The following RPTOR variants were observed in gnomAD, a reference collection of about 807,000 sequenced individuals.
The protein encoded by RPTOR is regulatory-associated protein of mTOR.
Under a neutral mutation model 169.9 loss-of-function variants are expected in RPTOR, and 21 were observed. That is an observed-to-expected ratio of 0.12 (90% CI 0.09 to 0.18). The LOEUF is 0.18. RPTOR is among the 10% of genes least tolerant of loss of function. The probability of loss-of-function intolerance (pLI) is 1.00; values close to 1 mark genes in which losing one functional copy is unlikely to be tolerated. For missense variants in RPTOR, 1,133 were observed against 1,855.9 expected (o/e 0.61, Z 7.16); for synonymous variants, 732 against 753.2 (o/e 0.97, Z 0.46).
chr17:80,599,405 T>G (rs1407097813), intron 1 of RPTOR, among the ~76,000 whole-genome samples: 3 of 152,196 alleles, frequency 2.0e-5, no homozygotes, highest in Admixed American at 6.5e-5. Context: ...TTTGTGCTGC[T>G]AAGTAAAGGG....
At chr17:80,781,087 C>T (rs1388944900) in intron 6 of RPTOR, among the ~76,000 whole-genome samples, 2 of 152,122 alleles carry the variant, frequency 1.3e-5, no homozygotes, top group African/African-American at 4.8e-5. Flanking sequence ...GTCTCCCCTC[C>T]AGGGCAGGAA....
intron 13 of RPTOR, among the ~76,000 whole-genome samples, chr17:80,871,330 C>T (rs1397011248): frequency 1.3e-5 from 2 of 152,156 alleles, no homozygotes; most frequent in African/African-American, 2.4e-5. Context: ...AGGATGGTCT[C>T]GATCTCCTGA....
chr17:80,716,186 G>A (rs1028285337), intron 4 of RPTOR, among the ~76,000 whole-genome samples: 8 of 152,054 alleles, frequency 5.3e-5, no homozygotes, highest in African/African-American at 1.4e-4. Context: ...TCCCACCAGC[G>A]GTGTAGAAGT....
intron 10 of RPTOR, among the ~76,000 whole-genome samples, chr17:80,838,631 CCT>C (rs1175465196): frequency 2.0e-5 from 3 of 152,216 alleles, no homozygotes; most frequent in Non-Finnish European, 2.9e-5. Context: ...GAAAGAGGAG[CCT>C]CTCACATCTG....
Position 80,845,860 on chromosome 17 carries a change from C to T in RPTOR, c.1213-613C>T, listed in dbSNP as rs904991940. 1.4e-4 allele frequency among the ~76,000 whole-genome samples: 21 copies of T among 152,190 alleles called. No individual in the cohort carries two copies. Among genetic ancestry groups the T allele is most frequent in the African/African-American group, 4.6e-4 (19 of 41,444 alleles). On this transcript the variant is annotated intron_variant, in intron 10 of 33. Coordinates refer to ENST00000306801, the MANE Select transcript of RPTOR (RefSeq NM_020761.3). The surrounding 1 kb of genome is among the most constrained non-coding windows in gnomAD (Gnocchi z 5.4). ...CCCAGTCAGCTCTCCATCCTTATCTCGCCTGGCCCGGTGCTGGTTTGTGGC... is the reference window on the plus strand; with the variant it reads ...CCCAGTCAGCTCTCCATCCTTATCTTGCCTGGCCCGGTGCTGGTTTGTGGC...
intron 20 of RPTOR, among the ~76,000 whole-genome samples, chr17:80,908,282 A>G (rs1187743450): frequency 5.9e-5 from 9 of 152,232 alleles, no homozygotes; most frequent in Admixed American, 5.2e-4. Context: ...CAAAAGTCAC[A>G]GCACATCAAC....
At chr17:80,875,966 G>A (rs1169630146) in intron 13 of RPTOR, among the ~76,000 whole-genome samples, 1 of 35,704 alleles carries the variant, frequency 2.8e-5, no homozygotes, top group African/African-American at 1.9e-4. Flanking sequence ...TCTTCACACC[G>A]AGCCCATGCC....
chr17:80,659,993 G>A lies in RPTOR; in HGVS notation c.348+16183G>A, dbSNP rs950426366. Among the ~76,000 whole-genome samples the A allele has an allele frequency of 5.3e-5, 8 of 152,142 alleles. No individual in the cohort carries two copies. Among genetic ancestry groups the A allele is most frequent in the Admixed American group, 2.6e-4 (4 of 15,280 alleles). The stretch of plus-strand genomic sequence containing the variant: ...TATATATAAGAATTTAAATGAGGCC[G>A]GGCGTGGTGGCTCATGCCTGTAATC... On this transcript the variant is annotated intron_variant, in intron 3 of 33. Transcript: ENST00000306801. This position sits in a 1 kb window ranked among gnomAD's most constrained non-coding sequence, Gnocchi z 4.3.
Position 80,695,680 on chromosome 17 carries a change from A to G in RPTOR, c.349-12161A>G, listed in dbSNP as rs2066030342. Among the ~76,000 whole-genome samples, 1 of 152,230 alleles carries G rather than the reference A, an allele frequency of 6.6e-6. No homozygotes were observed. The highest frequency in any genetic ancestry group is 2.1e-4 in the South Asian group (1 of 4,838). ...TCCAGAATAATCGTGAGAAGGAGCCAGTGGAGTGGTGTGACTTTTGTATTT... is the reference window on the plus strand; with the variant it reads ...TCCAGAATAATCGTGAGAAGGAGCCGGTGGAGTGGTGTGACTTTTGTATTT... On this transcript the variant is annotated intron_variant, in intron 3 of 33. Coordinates refer to ENST00000306801, the MANE Select transcript of RPTOR (RefSeq NM_020761.3). The surrounding 1 kb of genome is among the most constrained non-coding windows in gnomAD (Gnocchi z 4.9).
At chr17:80,882,219 A>G (rs151233569) in intron 14 of RPTOR, among the ~76,000 whole-genome samples, 7 of 152,332 alleles carry the variant, frequency 4.6e-5, no homozygotes, top group Admixed American at 2.6e-4. Flanking sequence ...TCAGAATGAG[A>G]GGAGAATAAG....
chr17:80,871,142 G>C (rs539087732), intron 13 of RPTOR, among the ~76,000 whole-genome samples: 4 of 152,052 alleles, frequency 2.6e-5, no homozygotes, highest in Non-Finnish European at 5.9e-5. Context: ...GTCTCACTCT[G>C]TCACCCAGTC....
At chr17:80,958,497 G>A (rs564988417) in intron 29 of RPTOR, among the ~76,000 whole-genome samples, 91 of 132,434 alleles carry the variant, frequency 6.9e-4, no homozygotes, top group Non-Finnish European at 1.1e-3. Flanking sequence ...TGCAAGCTCC[G>A]CCTCCTGGGT....
chr17:80,602,425 ACC>A (rs1281646030), intron 1 of RPTOR: 1 of 211,652 alleles, frequency 4.7e-6, no homozygotes, highest in Non-Finnish European at 8.8e-6. Context: ...CGGGGGGCTG[ACC>A]CCCCCACCTC....
At chr17:80,939,624 C>T (rs1013823233) in intron 24 of RPTOR, among the ~76,000 whole-genome samples, 2 of 152,184 alleles carry the variant, frequency 1.3e-5, no homozygotes, top group African/African-American at 4.8e-5. Flanking sequence ...CCTCTGCTGC[C>T]CAGGAAGGTC....
At chr17:80,945,858 A>T in intron 26 of RPTOR, 77 bp downstream of exon 26, 1 of 790,316 alleles carries the variant, frequency 1.3e-6, no homozygotes, top group Non-Finnish European at 1.9e-6. Flanking sequence ...CCCGATCACC[A>T]CTCCTCTTCC....
intron 3 of RPTOR, among the ~76,000 whole-genome samples, chr17:80,665,992 C>A (rs930285888): frequency 2.0e-5 from 3 of 152,110 alleles, no homozygotes; most frequent in Non-Finnish European, 2.9e-5. Flanking sequence ...GTGTATCCTG[C>A]GTCTGTTGTG....
intron 5 of RPTOR, among the ~76,000 whole-genome samples, chr17:80,738,832 A>G (rs1177907072): frequency 6.6e-6 from 1 of 152,254 alleles, no homozygotes; most frequent in Admixed American, 6.5e-5. Flanking sequence ...AGATGTATCC[A>G]TGATGCATTA....
rs1224080995 is a variant in RPTOR at position 80,659,395 on chromosome 17, A to G, written c.348+15585A>G. On this transcript the variant is annotated intron_variant, in intron 3 of 33. Transcript: ENST00000306801. The surrounding 1 kb of genome is among the most constrained non-coding windows in gnomAD (Gnocchi z 4.3). ...CACCCAGGCTGGGGTGCAGTGGTGCAATCACGGGTCACCGCAGCCTCGACC... is the reference window on the plus strand; with the variant it reads ...CACCCAGGCTGGGGTGCAGTGGTGCGATCACGGGTCACCGCAGCCTCGACC... Among the ~76,000 whole-genome samples, 1 of 152,174 alleles carries G rather than the reference A, an allele frequency of 6.6e-6. No homozygotes were observed. Among genetic ancestry groups the G allele is most frequent in the African/African-American group, 2.4e-5 (1 of 41,432 alleles).
intron 3 of RPTOR, among the ~76,000 whole-genome samples, chr17:80,677,151 C>A (rs1019671406): frequency 2.0e-5 from 3 of 152,186 alleles, no homozygotes; most frequent in African/African-American, 7.2e-5. Context: ...GAAAAATAAT[C>A]ATTTTCTCAT....
Sources: gnomAD v4.1 joint callset for allele counts (sites outside exome capture counted in the v4.1 genomes callset) on GRCh38, gnomAD v4.1.1 for gene constraint, Gnocchi (gnomAD v3.1) non-coding constraint, MANE v1.5 for transcripts, NCBI Gene and HGNC (gene_info 2026-07-23, HGNC 2026-07-21) for gene names.